NRG1: variants seen among roughly 807,000 people sequenced by gnomAD.
NRG1 encodes pro-neuregulin-1, membrane-bound isoform.
Under a neutral mutation model 63.8 loss-of-function variants are expected in NRG1, and 18 were observed. That is an observed-to-expected ratio of 0.28 (90% confidence interval 0.19 to 0.42). NRG1 has a LOEUF of 0.42. Among genes scored for constraint, NRG1 ranks in the 10% least tolerant of loss-of-function variants. NRG1 has a pLI of 1.00. For synonymous variants in NRG1, 302 were observed against 301.3 expected (o/e 1.00, Z -0.02); for missense variants, 762 against 814.7 (o/e 0.94, Z 0.79).
chr8:32,382,203 C>T (rs935241213), intron 1 of NRG1, among the ~76,000 whole-genome samples: 1 of 151,924 alleles, frequency 6.6e-6, no homozygotes, highest in Non-Finnish European at 1.5e-5. Context: ...TATAACTTTC[C>T]AAGGTGACAA....
At chr8:32,345,081 A>G (rs1804712595) in intron 1 of NRG1, among the ~76,000 whole-genome samples, 1 of 152,212 alleles carries the variant, frequency 6.6e-6, no homozygotes, top group Non-Finnish European at 1.5e-5. Context: ...CAGGTGATGT[A>G]GACATCATTT....
At chr8:32,092,461 C>CAAAAAAAAAA (rs71208167) in intron 1 of NRG1, among the ~76,000 whole-genome samples, 2 of 83,700 alleles carry the variant, frequency 2.4e-5, no homozygotes, top group Non-Finnish European at 4.5e-5. Context: ...GACCCTGTCT[C>CAAAAAAAAAA]AAAAAAAAAA....
chr8:32,480,488 A>AAC (rs1825117808), intron 1 of NRG1, among the ~76,000 whole-genome samples: 1 of 79,540 alleles, frequency 1.3e-5, no homozygotes, highest in South Asian at 4.1e-4. Flanking sequence ...CAAAAACAAA[A>AAC]ACAAAAAAAA....
chr8:32,738,312 C>T (rs562258497), intron 6 of NRG1, among the ~76,000 whole-genome samples: 1 of 151,364 alleles, frequency 6.6e-6, no homozygotes, highest in South Asian at 2.1e-4. Context: ...AATTTTCACC[C>T]CATTAATAAC....
chr8:32,470,052 T>G (rs1823611789), intron 1 of NRG1, among the ~76,000 whole-genome samples: 1 of 111,912 alleles, frequency 8.9e-6, no homozygotes, highest in Non-Finnish European at 1.8e-5. Context: ...TTTTTTTTTG[T>G]AGTAGAGACG....
chr8:32,722,056 A>C, intron 5 of NRG1: 1 of 1,541,508 alleles, frequency 6.5e-7, no homozygotes, highest in Non-Finnish European at 8.8e-7. Context: ...AGGTTAAAAA[A>C]AATCTGTAAT....
intron 1 of NRG1, among the ~76,000 whole-genome samples, chr8:32,425,459 CA>C (rs1181679477): frequency 2.0e-5 from 3 of 152,178 alleles, no homozygotes; most frequent in East Asian, 1.9e-4. Flanking sequence ...TGATTTAGAT[CA>C]GGGGTTAGCA....
chr8:32,139,613 C>G (rs145117417), intron 1 of NRG1: 1 of 152,200 alleles, frequency 6.6e-6, no homozygotes, highest in Non-Finnish European at 1.5e-5. Flanking sequence ...TGTGCATTTG[C>G]TTTTTAAGAA....
intron 1 of NRG1, among the ~76,000 whole-genome samples, chr8:32,483,531 A>T (rs1019075818): frequency 6.6e-6 from 1 of 152,186 alleles, no homozygotes; most frequent in Admixed American, 6.5e-5. Flanking sequence ...TGCTCAACAT[A>T]TGCCACAGTT....
intron 5 of NRG1, among the ~76,000 whole-genome samples, chr8:32,701,254 A>G (rs1814800736): frequency 6.6e-6 from 1 of 152,206 alleles, no homozygotes; most frequent in African/African-American, 2.4e-5. Flanking sequence ...ATCTTTTTAG[A>G]AAATCTGCAA....
intron 1 of NRG1, among the ~76,000 whole-genome samples, chr8:32,110,941 A>G (rs373867200): frequency 2.0e-5 from 3 of 152,160 alleles, no homozygotes; most frequent in Non-Finnish European, 4.4e-5. Flanking sequence ...ATCATTAGAA[A>G]GTGAAAGGTA....
rs371007681 is a variant in NRG1 at position 32,694,532 on chromosome 8, A to G, written c.503-33417A>G. On this transcript the variant is annotated intron_variant, in intron 5 of 11. Transcript: ENST00000356819. ...TTTTTTCTTTTGAGCATGACTAATA[A>G]TAATAAAGTCTGAGCTCTGGTCTCA... is the stretch of plus-strand genomic sequence containing the variant. Among the ~76,000 whole-genome samples the G allele has an allele frequency of 2.3e-3, 349 of 152,314 alleles. 5 individuals carry two copies. Among genetic ancestry groups the G allele is most frequent in the African/African-American group, 8.0e-3 (332 of 41,568 alleles).
chr8:32,740,671 G>A (rs1826114935), intron 6 of NRG1, among the ~76,000 whole-genome samples: 1 of 151,984 alleles, frequency 6.6e-6, no homozygotes, highest in Non-Finnish European at 1.5e-5. Flanking sequence ...ATACTCACAG[G>A]GCAAAAAATC....
chr8:32,377,657 T>C (rs113548752), intron 1 of NRG1, among the ~76,000 whole-genome samples: 4 of 152,342 alleles, frequency 2.6e-5, no homozygotes, highest in African/African-American at 9.6e-5. Context: ...TGGCTTCCAG[T>C]GTGCTTTCCA....
intron 1 of NRG1, among the ~76,000 whole-genome samples, chr8:32,095,390 G>C (rs1278243891): frequency 6.6e-6 from 1 of 151,898 alleles, no homozygotes; most frequent in East Asian, 1.9e-4. Context: ...CCAAATATTA[G>C]CATAAATATA....
At position 31,866,615 on chromosome 8, in the gene NRG1, G is replaced by A. The variant is rs569698497; in HGVS notation, c.37+227184G>A. On this transcript the variant is annotated intron_variant, in intron 1 of 10. Coordinates refer to the NRG1 transcript ENST00000519301. ...CCTATAATATGCTACAAATACAAGT[G>A]TATTAGAGAGTTTATTGTGTATATT... is the stretch of plus-strand genomic sequence containing the variant. Among the ~76,000 whole-genome samples the A allele has an allele frequency of 1.9e-4, 29 of 152,150 alleles. No homozygotes were observed. In the South Asian group the frequency reaches 5.4e-3, roughly 28 times the overall value.
intron 1 of NRG1, among the ~76,000 whole-genome samples, chr8:31,886,942 A>T (rs1830764346): frequency 6.6e-6 from 1 of 152,008 alleles, no homozygotes; most frequent in East Asian, 1.9e-4. Flanking sequence ...GTGAATTACA[A>T]ACCCTCCTCT....
intron 1 of NRG1, among the ~76,000 whole-genome samples, chr8:31,785,590 C>T (rs566960598): frequency 6.6e-6 from 1 of 152,270 alleles, no homozygotes; most frequent in African/African-American, 2.4e-5. Context: ...TTATGCATTA[C>T]ATTTGAGGTG....
At position 31,790,785 on chromosome 8, in the gene NRG1, G is replaced by A. The variant is rs181196399; in HGVS notation, c.37+151354G>A. Reference sequence around the variant, plus strand: ...GAACTGAGAGATAGCCCACCCTTCCGTGCAAATTTTATTGATAAGAGTGAT... The same window carrying A: ...GAACTGAGAGATAGCCCACCCTTCCATGCAAATTTTATTGATAAGAGTGAT... On this transcript the variant is annotated intron_variant, in intron 1 of 10. Transcript: ENST00000519301. 5.6e-4 allele frequency among the ~76,000 whole-genome samples: 86 copies of A among 152,252 alleles called. 1 individual carries two copies. The highest frequency in any genetic ancestry group is 1.3e-3 in the African/African-American group (55 of 41,548).
Sources: allele counts gnomAD v4.1 joint callset (sites outside exome capture counted in the v4.1 genomes callset), GRCh38; gene constraint gnomAD v4.1.1; transcripts MANE v1.5; gene names NCBI Gene and HGNC (gene_info 2026-07-23, HGNC 2026-07-21).